PRPF31: variants seen among roughly 807,000 people sequenced by gnomAD.
PRPF31 encodes U4/U6 small nuclear ribonucleoprotein Prp31.
In PRPF31, 12 loss-of-function variants were observed where a neutral mutation model predicts 60.4. The observed-to-expected ratio is 0.20, with a 90% CI of 0.13 to 0.32. The LOEUF (loss-of-function observed/expected upper bound fraction) is 0.32. PRPF31 is among the 10% of genes least tolerant of loss of function. PRPF31 has a pLI of 1.00. For missense variants in PRPF31, 431 were observed against 687.1 expected, an observed-to-expected ratio of 0.63 and a Z score of 4.17; for synonymous variants, 287 against 287.9, an observed-to-expected ratio of 1.00 and a Z score of 0.03.
chr19:54,124,750 C>G (rs2073879474), intron 8 of PRPF31, 94 bp downstream of exon 8: 1 of 1,420,118 alleles, frequency 7.0e-7, no homozygotes, highest in East Asian at 2.3e-5. Flanking sequence ...TCTGGCCCAG[C>G]TGACGGTAGC....
intron 9 of PRPF31, 78 bp from the exon 10 acceptor site, chr19:54,127,995 T>G: frequency 6.5e-7 from 1 of 1,543,060 alleles, no homozygotes; most frequent in South Asian, 1.2e-5. Flanking sequence ...ACGTGGATAC[T>G]CGGGGGGCCC....
intron 3 of PRPF31, 40 bp from the exon 4 acceptor site, chr19:54,121,820 G>A: frequency 6.4e-7 from 1 of 1,570,634 alleles, no homozygotes; most frequent in Non-Finnish European, 8.7e-7. Context: ...GAGGGGGTAG[G>A]GATTTAGATA....
intron 9 of PRPF31, 44 bp from the exon 10 acceptor site, chr19:54,128,029 A>G: frequency 6.5e-7 from 1 of 1,548,140 alleles, no homozygotes; most frequent in Non-Finnish European, 8.7e-7. Context: ...CTGGGTGGGC[A>G]GCCCACGCGA....
At chr19:54,127,448 G>T (rs1308661555) in intron 9 of PRPF31, among the ~76,000 whole-genome samples, 1 of 152,160 alleles carries the variant, frequency 6.6e-6, no homozygotes, top group South Asian at 2.1e-4. Context: ...CTACTCAGAT[G>T]GTCCAGGATA....
At chr19:54,124,107 C>T in intron 7 of PRPF31, 189 bp downstream of exon 7, 2 of 1,224,538 alleles carry the variant, frequency 1.6e-6, no homozygotes, top group South Asian at 3.1e-5. Context: ...CACTCACCCA[C>T]AGCTCCTTCT....
intron 7 of PRPF31, 109 bp from the exon 8 acceptor site, chr19:54,124,390 C>A: frequency 9.5e-7 from 1 of 1,057,358 alleles, no homozygotes; most frequent in Non-Finnish European, 1.4e-6. Context: ...CCAACCAGAA[C>A]TTCATGTAAA....
Position 54,129,166 on chromosome 19 carries a change from G to A in PRPF31, c.1256G>A (p.Arg419Lys), listed in dbSNP as rs1198570358. Residue 419 changes from arginine (R) to lysine (K), a missense_variant, in exon 12 of 14, where the codon AGG becomes AAG. This residue lies in a region of PRPF31 where 314 missense variants were observed against 475.3 expected (regional missense o/e 0.66). Coordinates refer to ENST00000321030, the MANE Select transcript of PRPF31 (RefSeq NM_015629.4). ...QTQVNEATKA[R>K]ISKTLQRTLQ... ...CAGGTAAACGAGGCCACCAAGGCCA[G>A]GATCTCCAAGACGCTGCAGGTATGG... 1.9e-6 allele frequency: 3 copies of A among 1,585,196 alleles called. No individual in the cohort carries two copies. The African/African-American group carries it at 4.0e-5, about 21-fold the overall frequency.
At chr19:54,121,481 T>A (rs1240216667) in intron 3 of PRPF31, among the ~76,000 whole-genome samples, 1 of 152,032 alleles carries the variant, frequency 6.6e-6, no homozygotes, top group African/African-American at 2.4e-5. Flanking sequence ...GTGTGCCAGG[T>A]GCTGTCCTGG....
intron 5 of PRPF31, 42 bp downstream of exon 5, chr19:54,122,636 G>A (rs2073820632): frequency 2.0e-6 from 3 of 1,514,256 alleles, no homozygotes; most frequent in Non-Finnish European, 2.8e-6. Flanking sequence ...GGCGTGAAGG[G>A]GCAGGCGGGG....
chr19:54,122,631 G>T, intron 5 of PRPF31, 37 bp downstream of exon 5: 1 of 1,546,642 alleles, frequency 6.5e-7, no homozygotes, highest in Non-Finnish European at 8.9e-7. Flanking sequence ...CTGCTGGCGT[G>T]AAGGGGCAGG....
At chr19:54,122,112 A>G in intron 4 of PRPF31, 169 bp downstream of exon 4, 1 of 769,502 alleles carries the variant, frequency 1.3e-6, no homozygotes, top group Non-Finnish European at 2.2e-6. Flanking sequence ...TCTCTCGCGT[A>G]TGAGTCTGAG....
intron 7 of PRPF31, 146 bp from the exon 8 acceptor site, chr19:54,124,353 G>A (rs939950401): frequency 2.8e-5 from 23 of 832,572 alleles, no homozygotes; most frequent in Admixed American, 2.0e-4. Flanking sequence ...GGGCCAGGTC[G>A]CCCGCCTGGC....
intron 4 of PRPF31, 86 bp downstream of exon 4, chr19:54,122,029 C>A: frequency 7.2e-7 from 1 of 1,388,054 alleles, no homozygotes; most frequent in Non-Finnish European, 1.0e-6. Context: ...TCCCAGGGTC[C>A]TGCCCCTAAG....
intron 8 of PRPF31, chr19:54,124,864 A>AGC: frequency 1.6e-6 from 1 of 635,956 alleles, no homozygotes. Flanking sequence ...AAGAGGCATG[A>AGC]GCGCCCTGTG....
rs868708299 is a variant in PRPF31 at position 54,128,308 on chromosome 19, C to T, written c.1077C>T (p.Tyr359=). ...GQRKKRGGRR[Y]RKMKERLGLT... ...CCGCCCACCCACCCGTCCCCAGGTA[C>T]CGCAAGATGAAGGAGCGGCTGGGGC... is the stretch of plus-strand genomic sequence containing the variant. The change falls in exon 11 of 14, where the codon TAC becomes TAT. Residue 359 remains tyrosine (Y), a synonymous_variant. Coordinates refer to ENST00000321030, the MANE Select transcript of PRPF31 (RefSeq NM_015629.4). The T allele has an allele frequency of 4.0e-6, 6 of 1,482,532 alleles. No individual in the cohort carries two copies. Among genetic ancestry groups the T allele is most frequent in the Non-Finnish European group, 5.5e-6 (6 of 1,096,004 alleles). 91.8% of individuals were successfully genotyped at this position (1,482,532 alleles called of 1,614,324 possible).
intron 8 of PRPF31, chr19:54,125,035 T>C: frequency 2.7e-6 from 1 of 367,770 alleles, no homozygotes; most frequent in Non-Finnish European, 5.2e-6. Context: ...GGTTTGACCA[T>C]TCACTAGAAA....
intron 8 of PRPF31, among the ~76,000 whole-genome samples, chr19:54,125,505 A>C (rs1434526234): frequency 2.7e-5 from 4 of 150,640 alleles, no homozygotes; most frequent in African/African-American, 7.3e-5. Context: ...CAAAAAAAAA[A>C]AAAAACAAGC....
At chr19:54,116,428 A>G (rs1218916688) in intron 1 of PRPF31, among the ~76,000 whole-genome samples, 2 of 147,776 alleles carry the variant, frequency 1.4e-5, no homozygotes, top group Non-Finnish European at 3.0e-5. Context: ...CTGGTCTCCA[A>G]CTCCTGACCT....
intron 11 of PRPF31, 99 bp downstream of exon 11, chr19:54,128,476 C>T (rs947306358): frequency 1.8e-5 from 23 of 1,256,904 alleles, no homozygotes; most frequent in Admixed American, 4.0e-5. Context: ...GTGGCCCTGG[C>T]TCATGTCTAG....
Sources: gnomAD v4.1 joint callset for allele counts (sites outside exome capture counted in the v4.1 genomes callset) on GRCh38, gnomAD v4.1.1 for gene constraint, gnomAD v4.1.1 regional missense constraint, MANE v1.5 for transcripts, NCBI Gene and HGNC (gene_info 2026-07-23, HGNC 2026-07-21) for gene names.